Variants in TNR observed in about 807,000 individuals in gnomAD.
TNR encodes the protein tenascin R, also known as tenascin-R.
In TNR, 45 loss-of-function variants were observed where a neutral mutation model predicts 150.4. The observed-to-expected ratio is 0.30, with a 90% CI of 0.24 to 0.38. TNR has a LOEUF of 0.38. TNR is among the 10% of genes least tolerant of loss of function. The pLI is 1.00. For synonymous variants in TNR, 687 were observed against 678.4 expected (o/e 1.01, Z -0.20); for missense variants, 1,544 against 1,759.1 (o/e 0.88, Z 2.19).
chr1:175,369,781 G>A (rs750644684), intron 9 of TNR, among the ~76,000 whole-genome samples: 1 of 152,126 alleles, frequency 6.6e-6, no homozygotes, highest in African/African-American at 2.4e-5. Flanking sequence ...GATTTTGATC[G>A]GAAATACTTT....
At chr1:175,602,748 G>A (rs1663287944) in intron 1 of TNR, among the ~76,000 whole-genome samples, 1 of 152,162 alleles carries the variant, frequency 6.6e-6, no homozygotes, top group Admixed American at 6.5e-5. Context: ...AGGAAGAAGT[G>A]CTCATTTTAT....
chr1:175,540,908 C>T (rs1402775592), intron 1 of TNR, among the ~76,000 whole-genome samples: 2 of 151,976 alleles, frequency 1.3e-5, no homozygotes, highest in African/African-American at 4.8e-5. Context: ...TAAGGTGTGC[C>T]CAAGGCCCAT....
chr1:175,393,051 C>G (rs1382818220), intron 6 of TNR, among the ~76,000 whole-genome samples: 5 of 152,128 alleles, frequency 3.3e-5, no homozygotes, highest in South Asian at 2.1e-4. Context: ...TATAATTGAA[C>G]TTTATATCCT....
intron 2 of TNR, among the ~76,000 whole-genome samples, chr1:175,490,844 T>C (rs1658216552): frequency 6.6e-6 from 1 of 152,214 alleles, no homozygotes; most frequent in Non-Finnish European, 1.5e-5. Flanking sequence ...AGAAATACCA[T>C]TTGACCCAAT....
intron 1 of TNR, among the ~76,000 whole-genome samples, chr1:175,624,544 G>A (rs1664083696): frequency 6.6e-6 from 1 of 152,126 alleles, no homozygotes; most frequent in Non-Finnish European, 1.5e-5. Context: ...TCAAAAGCAA[G>A]CCAAGAAATG....
intron 4 of TNR, among the ~76,000 whole-genome samples, chr1:175,402,771 C>A (rs1422533846): frequency 1.3e-5 from 2 of 152,134 alleles, no homozygotes; most frequent in African/African-American, 4.8e-5. Context: ...CGCTTGGGAT[C>A]CCTCAGAGTT....
intron 17 of TNR, among the ~76,000 whole-genome samples, 193 bp from the exon 18 acceptor site, chr1:175,354,716 CA>C (rs750283968): frequency 3.2e-4 from 48 of 152,304 alleles, no homozygotes; most frequent in Non-Finnish European, 5.3e-4. Flanking sequence ...AGATTTAGGC[CA>C]GCTCCTATCT....
intron 1 of TNR, among the ~76,000 whole-genome samples, chr1:175,709,424 C>A (rs1007148539): frequency 6.6e-6 from 1 of 151,968 alleles, no homozygotes; most frequent in African/African-American, 2.4e-5. Context: ...AAACATAAGA[C>A]CAAAGTTCAA....
intron 4 of TNR, among the ~76,000 whole-genome samples, chr1:175,402,277 G>T (rs936175455): frequency 8.7e-6 from 1 of 114,972 alleles, no homozygotes; most frequent in Non-Finnish European, 1.6e-5. Flanking sequence ...ACTGCAGTCC[G>T]CAATCCGGCC....
chr1:175,515,388 G>A (rs1659363722), intron 2 of TNR, among the ~76,000 whole-genome samples: 1 of 152,186 alleles, frequency 6.6e-6, no homozygotes, highest in South Asian at 2.1e-4. Context: ...AGGAAACATG[G>A]GCGCCTAATT....
chr1:175,609,977 G>A (rs922933254), intron 1 of TNR, among the ~76,000 whole-genome samples: 11 of 152,036 alleles, frequency 7.2e-5, no homozygotes, highest in African/African-American at 2.7e-4. Flanking sequence ...TTGGAGTTTG[G>A]GCACATAAAA....
chr1:175,500,998 A>G (rs1232521984), intron 2 of TNR, among the ~76,000 whole-genome samples: 4 of 152,158 alleles, frequency 2.6e-5, no homozygotes, highest in African/African-American at 9.7e-5. Context: ...CCTGGTATAC[A>G]TACCCTGCAT....
At chr1:175,634,890 A>G (rs182725360) in intron 1 of TNR, among the ~76,000 whole-genome samples, 2 of 152,274 alleles carry the variant, frequency 1.3e-5, no homozygotes, top group East Asian at 3.9e-4. Context: ...CAAACAAAAA[A>G]CTAAAAGAGG....
At position 175,741,934 on chromosome 1, in the gene TNR, C is replaced by T. The variant is rs138607267; in HGVS notation, c.-165+1292G>A. ...TGAAGAAAGTGACCAGAACCATAAA[C>T]AGTTAGGGGTTAAATCAAGGGAAGA... On this transcript the variant is annotated intron_variant, in intron 1 of 22. Coordinates refer to ENST00000367674, the MANE Select transcript of TNR (RefSeq NM_003285.3). Among the ~76,000 whole-genome samples the T allele has an allele frequency of 5.8e-3, 876 of 152,288 alleles. 13 individuals are homozygous for T. Among genetic ancestry groups the T allele is most frequent in the African/African-American group, 0.02 (826 of 41,546 alleles).
chr1:175,737,822 C>G (rs1353344310), intron 1 of TNR, among the ~76,000 whole-genome samples: 1 of 152,162 alleles, frequency 6.6e-6, no homozygotes, highest in Non-Finnish European at 1.5e-5. Context: ...CAGGCTGGAA[C>G]CCTTCAATAA....
At chr1:175,332,328 C>T (rs1649984607) in intron 20 of TNR, among the ~76,000 whole-genome samples, 1 of 152,190 alleles carries the variant, frequency 6.6e-6, no homozygotes, top group Non-Finnish European at 1.5e-5. Context: ...TGAAGTGAGT[C>T]TCCAGCCAAA....
chr1:175,539,412 C>G (rs1338156371), intron 1 of TNR, among the ~76,000 whole-genome samples: 3 of 152,220 alleles, frequency 2.0e-5, no homozygotes, highest in Admixed American at 6.5e-5. Context: ...TGTAAACAAA[C>G]TTCCTGGAAA....
chr1:175,475,268 T>C (rs1657496282), intron 2 of TNR, among the ~76,000 whole-genome samples: 1 of 152,246 alleles, frequency 6.6e-6, no homozygotes, highest in Non-Finnish European at 1.5e-5. Context: ...CTCCCCATTC[T>C]CTTACACCTT....
At chr1:175,530,341 C>T (rs1660014895) in intron 1 of TNR, among the ~76,000 whole-genome samples, 3 of 152,176 alleles carry the variant, frequency 2.0e-5, no homozygotes, top group Admixed American at 6.5e-5. Flanking sequence ...CCCACACACA[C>T]CCGCCTCTCT....
Sources: gnomAD v4.1 joint callset for allele counts (sites outside exome capture counted in the v4.1 genomes callset) on GRCh38, gnomAD v4.1.1 for gene constraint, MANE v1.5 for transcripts, NCBI Gene and HGNC (gene_info 2026-07-23, HGNC 2026-07-21) for gene names.